Variants in PDE4B observed in about 807,000 individuals in gnomAD.
The protein encoded by PDE4B is phosphodiesterase 4B, also known as 3',5'-cyclic-AMP phosphodiesterase 4B.
PDE4B carries 20 observed loss-of-function variants against 82.2 expected under a neutral mutation model. The observed-to-expected ratio is 0.24, with a 90% CI of 0.17 to 0.35. The LOEUF (loss-of-function observed/expected upper bound fraction) is 0.35, where lower values mean the gene tolerates loss of function less well. Among genes scored for constraint, PDE4B ranks in the 10% least tolerant of loss-of-function variants. The probability of loss-of-function intolerance (pLI) is 1.00; values close to 1 mark genes in which losing one functional copy is unlikely to be tolerated. For synonymous variants in PDE4B, 320 were observed against 318.9 expected, an observed-to-expected ratio of 1.00 and a Z score of -0.04; for missense variants, 655 against 907.2, an observed-to-expected ratio of 0.72 and a Z score of 3.57.
At chr1:65,834,077 C>T (rs1241385003) in intron 1 of PDE4B, among the ~76,000 whole-genome samples, 1 of 152,182 alleles carries the variant, frequency 6.6e-6, no homozygotes, top group African/African-American at 2.4e-5. Flanking sequence ...TGGAGTCTCA[C>T]TCTGTCACCC....
intron 3 of PDE4B, among the ~76,000 whole-genome samples, chr1:66,203,519 C>CA (rs1001796884): frequency 4.1e-4 from 63 of 152,312 alleles, no homozygotes; most frequent in African/African-American, 1.5e-3. Context: ...CACATAGTCC[C>CA]ATATGTCTTG....
At chr1:66,033,424 TGC>T (rs1557513021) in intron 3 of PDE4B, among the ~76,000 whole-genome samples, 1 of 152,218 alleles carries the variant, frequency 6.6e-6, no homozygotes. Context: ...ATGTTCATCC[TGC>T]CATATTGGCA....
chr1:66,330,917 A>G (rs1660057008), intron 7 of PDE4B: 1 of 424,098 alleles, frequency 2.4e-6, no homozygotes, highest in Non-Finnish European at 3.2e-6. Flanking sequence ...AAGAGTGTGA[A>G]AAAAAAATGG....
chr1:65,925,737 G>A (rs923684575), intron 3 of PDE4B, among the ~76,000 whole-genome samples: 2 of 152,122 alleles, frequency 1.3e-5, no homozygotes, highest in Non-Finnish European at 2.9e-5. Context: ...TTATTTGTAG[G>A]CACAGTTTAA....
At chr1:65,797,386 G>A (rs1557752331) in intron 1 of PDE4B, among the ~76,000 whole-genome samples, 1 of 152,146 alleles carries the variant, frequency 6.6e-6, no homozygotes, top group Non-Finnish European at 1.5e-5. Context: ...TAGCTATTGT[G>A]TTAGAAGGCT....
chr1:65,898,758 G>A (rs12095586), intron 1 of PDE4B, among the ~76,000 whole-genome samples: 1,719 of 152,238 alleles, frequency 0.011, 36 homozygotes, highest in African/African-American at 0.038. Flanking sequence ...TAATTGGCTA[G>A]CCAAATGTAG....
chr1:66,240,654 C>T lies in PDE4B; in HGVS notation c.282-6806C>T, dbSNP rs866582347. Among the ~76,000 whole-genome samples, 15 of 152,358 alleles carry T rather than the reference C, an allele frequency of 9.8e-5. 2 individuals carry two copies. In the South Asian group the frequency reaches 2.9e-3, roughly 29 times the overall value. ...TTGTTGTCTATCTTTCCCTCAGGGA[C>T]CTTGTTCCATACACTGCTGTATTCT... On this transcript the variant is annotated intron_variant, in intron 3 of 16. Coordinates refer to ENST00000341517, the MANE Select transcript of PDE4B (RefSeq NM_002600.4).
chr1:66,204,443 T>G (rs560371), intron 3 of PDE4B, among the ~76,000 whole-genome samples: 70,612 of 152,174 alleles, frequency 0.46, 16,596 homozygotes, highest in African/African-American at 0.53. Flanking sequence ...CCTGCCCCCA[T>G]AGGTGGAGCC....
rs562959644 is a variant in PDE4B, at chr1:66,320,038, C to T, written c.635-12470C>T. ...AACTAGAACTCTCATATTTGTCCTA[C>T]CCAAACAACACTGAATGGTGTGACC... On this transcript the variant is annotated intron_variant, in intron 7 of 16. Transcript: ENST00000341517. Among the ~76,000 whole-genome samples, 3 of 152,262 alleles carry T rather than the reference C, an allele frequency of 2.0e-5. No individual in the cohort carries two copies. In the South Asian group the frequency reaches 6.2e-4, roughly 32 times the overall value.
chr1:66,076,428 G>T (rs975444324), intron 3 of PDE4B, among the ~76,000 whole-genome samples: 1 of 152,136 alleles, frequency 6.6e-6, no homozygotes, highest in Non-Finnish European at 1.5e-5. Flanking sequence ...ATCCAGAGTT[G>T]ATGGGCACCT....
intron 7 of PDE4B, among the ~76,000 whole-genome samples, chr1:66,276,851 T>G (rs1471128886): frequency 6.6e-6 from 1 of 152,222 alleles, no homozygotes; most frequent in Non-Finnish European, 1.5e-5. Flanking sequence ...GGCTCACTTT[T>G]TCACCTGTAA....
In PDE4B at chr1:65,925,701, A is replaced by T. The variant is rs567910862; in HGVS notation, c.281+6866A>T. Among the ~76,000 whole-genome samples the T allele has an allele frequency of 4.6e-5, 7 of 152,374 alleles. No individual in the cohort carries two copies. The East Asian group carries it at 1.3e-3, about 29-fold the overall frequency. On this transcript the variant is annotated intron_variant, in intron 3 of 16. Coordinates refer to ENST00000341517, the MANE Select transcript of PDE4B (RefSeq NM_002600.4). ...TTTTTAAAATTTATTGTGTGCTGCCACAATAAATTAAATGTCATTGAAACA... is the reference window on the plus strand; with the variant it reads ...TTTTTAAAATTTATTGTGTGCTGCCTCAATAAATTAAATGTCATTGAAACA...
At chr1:66,138,028 C>T (rs1646093429) in intron 3 of PDE4B, among the ~76,000 whole-genome samples, 1 of 152,068 alleles carries the variant, frequency 6.6e-6, no homozygotes, top group African/African-American at 2.4e-5. Context: ...AACTGAAGTC[C>T]AGTGATGTTA....
chr1:65,810,829 AC>A (rs1645810419), intron 1 of PDE4B, among the ~76,000 whole-genome samples: 1 of 152,108 alleles, frequency 6.6e-6, no homozygotes, highest in Non-Finnish European at 1.5e-5. Context: ...CATAAGTGCT[AC>A]CCCCTTTTCA....
chr1:66,225,852 C>A (rs1398088855), intron 3 of PDE4B, among the ~76,000 whole-genome samples: 1 of 152,150 alleles, frequency 6.6e-6, no homozygotes, highest in African/African-American at 2.4e-5. Flanking sequence ...TCAATAAATT[C>A]CCCCTTGGGA....
intron 3 of PDE4B, among the ~76,000 whole-genome samples, chr1:66,027,109 T>C (rs551378872): frequency 6.6e-6 from 1 of 152,200 alleles, no homozygotes; most frequent in African/African-American, 2.4e-5. Context: ...TCTAAAAATA[T>C]GTGTATTAAT....
chr1:65,983,235 A>T (rs191357587), intron 3 of PDE4B, among the ~76,000 whole-genome samples: 296 of 152,296 alleles, frequency 1.9e-3, no homozygotes, highest in African/African-American at 6.9e-3. Context: ...TTGCCGCAGG[A>T]TGAATCATAC....
chr1:65,961,112 A>G (rs1201194477), intron 3 of PDE4B, among the ~76,000 whole-genome samples: 2 of 152,180 alleles, frequency 1.3e-5, no homozygotes, highest in Non-Finnish European at 2.9e-5. Flanking sequence ...TATGTGGATC[A>G]CACATAGGTA....
At chr1:66,210,079 A>T (rs932300040) in intron 3 of PDE4B, among the ~76,000 whole-genome samples, 3 of 152,200 alleles carry the variant, frequency 2.0e-5, no homozygotes, top group African/African-American at 7.2e-5. Context: ...TGTTCTTCAT[A>T]CAAGAACTCT....
Sources: gnomAD v4.1 joint callset for allele counts (sites outside exome capture counted in the v4.1 genomes callset) on GRCh38, gnomAD v4.1.1 for gene constraint, MANE v1.5 for transcripts, NCBI Gene and HGNC (gene_info 2026-07-23, HGNC 2026-07-21) for gene names.